Variants in TDO2 observed in about 807,000 individuals in gnomAD.
TDO2 encodes the protein tryptamin 2,3-dioxygenase.
Under a neutral mutation model 61.2 loss-of-function variants are expected in TDO2, and 63 were observed. That is an observed-to-expected ratio of 1.03 (90% CI 0.84 to 1.27). TDO2 has a LOEUF of 1.27. Ranked by LOEUF, TDO2 falls within the 50% of genes most tolerant of loss-of-function variation. TDO2 has a pLI of 0.00. For synonymous variants in TDO2, 183 were observed against 164.0 expected, an observed-to-expected ratio of 1.12 and a Z score of -0.89; for missense variants, 494 against 469.5, an observed-to-expected ratio of 1.05 and a Z score of -0.48.
intron 2 of TDO2, among the ~76,000 whole-genome samples, chr4:155,904,509 C>G (rs557274934): frequency 3.3e-5 from 5 of 152,052 alleles, no homozygotes; most frequent in African/African-American, 1.2e-4. Flanking sequence ...ATCATGAAGT[C>G]GAAATGTAAA....
chr4:155,904,771 G>A (rs1242129482), intron 2 of TDO2, among the ~76,000 whole-genome samples: 1 of 152,070 alleles, frequency 6.6e-6, no homozygotes, highest in Non-Finnish European at 1.5e-5. Context: ...AGCTCAGCAA[G>A]TTTTCAAGTT....
At chr4:155,906,451 T>G (rs1298053914) in intron 3 of TDO2, 2 of 152,162 alleles carry the variant, frequency 1.3e-5, no homozygotes, top group African/African-American at 4.8e-5. Flanking sequence ...ATTCTCTTAA[T>G]TAGTATGGAA....
rs371436727 is a variant in TDO2 at position 155,908,453 on chromosome 4, G to A, written c.304-434G>A. ...AGAGCACATGGGACCCATACAGATG[G>A]GACCCTTCCTGCCTGCATGAATCCA... On this transcript the variant is annotated intron_variant, in intron 4 of 11. Transcript: ENST00000536354. Among the ~76,000 whole-genome samples the A allele has an allele frequency of 2.2e-3, 331 of 152,104 alleles. 1 individual carries two copies. The highest frequency in any genetic ancestry group is 0.014 in the Middle Eastern group (4 of 290).
intron 9 of TDO2, among the ~76,000 whole-genome samples, chr4:155,916,228 T>G (rs554579548): frequency 2.2e-5 from 3 of 134,128 alleles, no homozygotes; most frequent in Non-Finnish European, 4.7e-5. Context: ...AGTGCAGTGG[T>G]GCAATCTCGG....
chr4:155,916,726 A>G (rs180697056), intron 9 of TDO2, among the ~76,000 whole-genome samples: 6 of 152,294 alleles, frequency 3.9e-5, no homozygotes, highest in African/African-American at 1.2e-4. Flanking sequence ...GGGTTCATGA[A>G]TTAAATGTGT....
At chr4:155,912,950 T>C (rs750725645) in intron 7 of TDO2, among the ~76,000 whole-genome samples, 23 of 152,108 alleles carry the variant, frequency 1.5e-4, no homozygotes, top group African/African-American at 5.3e-4. Context: ...CAGACTCTTA[T>C]CAATCAGTGA....
At chr4:155,914,712 C>T (rs1277647328) in intron 8 of TDO2, among the ~76,000 whole-genome samples, 1 of 152,060 alleles carries the variant, frequency 6.6e-6, no homozygotes, top group Non-Finnish European at 1.5e-5. Flanking sequence ...AAGTAGTTCA[C>T]AGCCTAATAG....
intron 2 of TDO2, 46 bp from the exon 3 acceptor site, chr4:155,905,021 A>T: frequency 1.4e-6 from 2 of 1,408,028 alleles, no homozygotes; most frequent in Non-Finnish European, 1.9e-6. Flanking sequence ...GTTCATAAAA[A>T]CCAAGTTCTG....
chr4:155,919,083 A>G (rs940392651), intron 11 of TDO2, among the ~76,000 whole-genome samples: 1 of 152,202 alleles, frequency 6.6e-6, no homozygotes, highest in African/African-American at 2.4e-5. Context: ...CACACACATC[A>G]GTGGGTGGTG....
At chr4:155,917,893 A>T (rs1443011013) in intron 10 of TDO2, among the ~76,000 whole-genome samples, 1 of 152,230 alleles carries the variant, frequency 6.6e-6, no homozygotes, top group East Asian at 1.9e-4. Flanking sequence ...TCATATTATG[A>T]TCCTGGTCTC....
chr4:155,919,014 G>A (rs1742995721), intron 11 of TDO2, among the ~76,000 whole-genome samples: 1 of 152,206 alleles, frequency 6.6e-6, no homozygotes, highest in Non-Finnish European at 1.5e-5. Context: ...CATTTTCACT[G>A]TCCCTGGAAA....
chr4:155,913,433 CTG>C (rs1369219238), intron 7 of TDO2, among the ~76,000 whole-genome samples: 1 of 152,110 alleles, frequency 6.6e-6, no homozygotes, highest in African/African-American at 2.4e-5. Flanking sequence ...CCTTCCCACT[CTG>C]AAGATCTTGG....
chr4:155,916,980 AC>A (rs1227518843), intron 9 of TDO2, among the ~76,000 whole-genome samples: 3 of 149,214 alleles, frequency 2.0e-5, no homozygotes, highest in African/African-American at 4.8e-5. Context: ...CAAAACAACA[AC>A]AAAAAAAACA....
chr4:155,905,170 A>G lies in TDO2; in HGVS notation c.232+13A>G, dbSNP rs1379072184. The stretch of plus-strand genomic sequence containing the variant: ...ATAACTCATCAAGGTAAGTTGCACA[A>G]AGGTTTTGGACAATATTCCACAGGC... On this transcript the variant is annotated intron_variant, in intron 3 of 11. Coordinates refer to ENST00000536354, the MANE Select transcript of TDO2 (RefSeq NM_005651.4). 8 of 1,554,960 alleles carry G rather than the reference A, an allele frequency of 5.1e-6. No individual in the cohort carries two copies. Among genetic ancestry groups the G allele is most frequent in the Admixed American group, 1.9e-5 (1 of 52,492 alleles).
Position 155,908,980 on chromosome 4 carries a change from G to C in TDO2, c.397G>C (p.Glu133Gln). 1 of 1,612,730 alleles carries C rather than the reference G, an allele frequency of 6.2e-7. No individual in the cohort carries two copies. Among genetic ancestry groups the C allele is most frequent in the Non-Finnish European group, 8.5e-7 (1 of 1,179,558 alleles). Residue 133 changes from glutamate to glutamine, a missense_variant, in exon 5 of 12, where the codon GAG (glutamate) becomes CAG (glutamine). By Grantham distance (29) the Glu-to-Gln change is conservative. Coordinates refer to ENST00000536354, the MANE Select transcript of TDO2 (RefSeq NM_005651.4). The stretch of plus-strand genomic sequence containing the variant: ...GCTGGTGCAGCAGTTTTCCATTCTG[G>C]AGACGATGACAGCCTTGGACTTCAA... ...KLLVQQFSIL[E>Q]TMTALDFNDF...
At chr4:155,909,118 A>G in intron 5 of TDO2, 104 bp downstream of exon 5, 1 of 1,241,610 alleles carries the variant, frequency 8.1e-7, no homozygotes, top group Non-Finnish European at 1.1e-6. Flanking sequence ...AGCCTGTCTT[A>G]CTAACATTTT....
intron 3 of TDO2, 25 bp from the exon 4 acceptor site, chr4:155,907,697 A>G (rs1160267586): frequency 3.8e-6 from 6 of 1,578,616 alleles, no homozygotes; most frequent in South Asian, 2.3e-5. Flanking sequence ...TAACTTTCCA[A>G]CTGACAATGA....
At position 155,920,102 on chromosome 4, in the gene TDO2, C is replaced by A. The variant is rs985116765; in HGVS notation, c.*112C>A. The A allele has an allele frequency of 1.1e-6, 1 of 945,226 alleles. No homozygotes were observed. The highest frequency in any genetic ancestry group is 1.6e-6 in the Non-Finnish European group (1 of 627,228). The allele number at this position is 945,226 out of a possible 1,614,324, so 58.6% of individuals were successfully genotyped here. A position where few individuals can be genotyped will look rare whatever the true frequency, so the allele number is the denominator to read the frequency against. ...TGTATGCATATATTGTTCAGCACCA[C>A]GATGCTCTGATTTAATTCTAGAAAC... On this transcript the variant is annotated 3_prime_UTR_variant, in exon 12 of 12. Coordinates refer to ENST00000536354, the MANE Select transcript of TDO2 (RefSeq NM_005651.4).
chr4:155,909,869 GACT>G (rs1742786323), intron 5 of TDO2, among the ~76,000 whole-genome samples, 153 bp from the exon 6 acceptor site: 4 of 16,174 alleles, frequency 2.5e-4, no homozygotes, highest in Non-Finnish European at 5.4e-4. Context: ...CTCTCCTCTG[GACT>G]CCTCTCCCCT....
Sources: allele counts gnomAD v4.1 joint callset (sites outside exome capture counted in the v4.1 genomes callset), GRCh38; gene constraint gnomAD v4.1.1; transcripts MANE v1.5; gene names NCBI Gene and HGNC (gene_info 2026-07-23, HGNC 2026-07-21).